The following ALK variants were observed in gnomAD, a reference collection of about 807,000 sequenced individuals.
The protein encoded by ALK is ALK tyrosine kinase receptor.
In ALK, 74 loss-of-function variants were observed where a neutral mutation model predicts 163.1. That is an observed-to-expected ratio of 0.45 (90% CI 0.38 to 0.55). The LOEUF (loss-of-function observed/expected upper bound fraction) is 0.55. ALK is among the 20% of genes least tolerant of loss of function. ALK has a pLI of 0.00. For synonymous variants in ALK, 960 were observed against 843.2 expected (o/e 1.14, Z -2.40); for missense variants, 2,063 against 2,105.3 (o/e 0.98, Z 0.39).
chr2:29,506,282 G>A (rs1282815752), intron 4 of ALK, among the ~76,000 whole-genome samples: 1 of 152,090 alleles, frequency 6.6e-6, no homozygotes, highest in East Asian at 1.9e-4. Flanking sequence ...TATCAAACAA[G>A]CTACAACAAA....
intron 4 of ALK, among the ~76,000 whole-genome samples, chr2:29,414,680 T>G (rs1430177561): frequency 2.0e-5 from 3 of 152,252 alleles, no homozygotes; most frequent in African/African-American, 7.2e-5. Flanking sequence ...ATTGTTTGTG[T>G]GTGAGTGGCA....
intron 1 of ALK, among the ~76,000 whole-genome samples, chr2:29,736,030 C>G (rs1461054003): frequency 6.6e-6 from 1 of 151,978 alleles, no homozygotes; most frequent in Non-Finnish European, 1.5e-5. Context: ...GCTCAAGACC[C>G]CAAGCCAGCC....
At chr2:29,862,031 C>T (rs193210775) in intron 1 of ALK, among the ~76,000 whole-genome samples, 168 of 152,162 alleles carry the variant, frequency 1.1e-3, no homozygotes, top group East Asian at 2.7e-3. Context: ...AAAAATCATA[C>T]GATTATATCA....
chr2:29,758,514 C>T (rs533959170), intron 1 of ALK, among the ~76,000 whole-genome samples: 135 of 152,274 alleles, frequency 8.9e-4, no homozygotes, highest in African/African-American at 2.8e-3. Context: ...TGGGATGTAT[C>T]AGAGATGAAC....
intron 3 of ALK, among the ~76,000 whole-genome samples, chr2:29,651,264 C>T (rs542964241): frequency 6.6e-6 from 1 of 152,212 alleles, no homozygotes; most frequent in South Asian, 2.1e-4. Flanking sequence ...GTAAAACAAG[C>T]AAAGGCTGGA....
chr2:29,653,542 C>T (rs531027618), intron 3 of ALK, among the ~76,000 whole-genome samples: 21 of 152,198 alleles, frequency 1.4e-4, no homozygotes, highest in Admixed American at 1.1e-3. Flanking sequence ...GTTTCTTTGT[C>T]TGTAAAAGGG....
At chr2:29,199,028 A>G (rs1385001233) in intron 26 of ALK, among the ~76,000 whole-genome samples, 1 of 150,952 alleles carries the variant, frequency 6.6e-6, no homozygotes, top group Non-Finnish European at 1.5e-5. Context: ...ATCTTGGCTC[A>G]CTGCAACCTC....
In ALK at chr2:29,297,026, A is replaced by G; in HGVS notation, c.1679T>C (p.Leu560Ser). Residue 560 changes from leucine to serine, a missense_variant, in exon 9 of 29, where the codon TTG becomes TCG. Coordinates refer to ENST00000389048, the MANE Select transcript of ALK (RefSeq NM_004304.5). ...TAGCACCAAGGACACGTTTCCCCTC[A>G]AGACTCCACGAATGAGCCAGGACAT... The part of the protein sequence containing the change: ...LRMSWLIRGV[L>S]RGNVSLVLVE... 6.2e-7 allele frequency: 1 copy of G among 1,614,172 alleles called. No individual in the cohort carries two copies. The highest frequency in any genetic ancestry group is 8.5e-7 in the Non-Finnish European group (1 of 1,180,030).
At chr2:29,918,394 CCA>C (rs1264664130) in intron 1 of ALK, among the ~76,000 whole-genome samples, 2 of 152,202 alleles carry the variant, frequency 1.3e-5, no homozygotes, top group African/African-American at 2.4e-5. Context: ...CATGTATAAA[CCA>C]CACAAACCAC....
At chr2:29,296,159 AG>A (rs1401127721) in intron 9 of ALK, among the ~76,000 whole-genome samples, 8 of 152,252 alleles carry the variant, frequency 5.3e-5, no homozygotes. Flanking sequence ...CTCAGCTTAA[AG>A]GTGAGGAAAC....
At chr2:29,708,740 T>A (rs1419579473) in intron 2 of ALK, among the ~76,000 whole-genome samples, 1 of 152,212 alleles carries the variant, frequency 6.6e-6, no homozygotes, top group Non-Finnish European at 1.5e-5. Flanking sequence ...GCCAAGCAGA[T>A]GGCCTGGGTT....
At chr2:29,739,279 C>T (rs942460699) in intron 1 of ALK, among the ~76,000 whole-genome samples, 1 of 141,018 alleles carries the variant, frequency 7.1e-6, no homozygotes, top group African/African-American at 2.8e-5. Flanking sequence ...AGAACATAGG[C>T]CAGGTGCCAG....
At chr2:29,304,619 C>T (rs1197751651) in intron 8 of ALK, among the ~76,000 whole-genome samples, 1 of 152,214 alleles carries the variant, frequency 6.6e-6, no homozygotes, top group Middle Eastern at 3.2e-3. Flanking sequence ...ACCACCTGCC[C>T]TTTGCATCAA....
At chr2:29,407,904 G>A (rs1298699028) in intron 4 of ALK, among the ~76,000 whole-genome samples, 1 of 152,088 alleles carries the variant, frequency 6.6e-6, no homozygotes, top group African/African-American at 2.4e-5. Context: ...CTGAAAAAAG[G>A]AATTAAGCCA....
At position 29,920,720 on chromosome 2, in the gene ALK, G is replaced by T. The variant is rs1052528841; in HGVS notation, c.-61C>A. On this transcript the variant is annotated 5_prime_UTR_variant, in exon 1 of 29. Coordinates refer to ENST00000389048, the MANE Select transcript of ALK (RefSeq NM_004304.5). ...CCCAGCCTCACCCTTCGCTCTCCCC[G>T]AGATGGGAAGAGGCTCTGAACAGTC... 6 of 1,403,070 alleles carry T rather than the reference G, an allele frequency of 4.3e-6. No individual in the cohort carries two copies. In the Admixed American group the frequency reaches 9.9e-5, roughly 23 times the overall value. 86.9% of individuals were successfully genotyped at this position (1,403,070 alleles called of 1,614,324 possible). A position where few individuals can be genotyped will look rare whatever the true frequency, so the allele number is the denominator to read the frequency against.
At position 29,555,238 on chromosome 2, in the gene ALK, C is replaced by T. The variant is rs572725564; in HGVS notation, c.953-23122G>A. On this transcript the variant is annotated intron_variant, in intron 3 of 28. Transcript: ENST00000389048. ...ACACTACCCCCTCAGATGGCCATGT[C>T]TCTCCAATTCCCCATAGTCCCCACA... is the stretch of plus-strand genomic sequence containing the variant. Among the ~76,000 whole-genome samples the T allele has an allele frequency of 3.5e-3, 540 of 152,178 alleles. 1 individual carries two copies. Among genetic ancestry groups the T allele is most frequent in the African/African-American group, 0.012 (482 of 41,526 alleles).
chr2:29,842,997 T>C (rs191216628), intron 1 of ALK, among the ~76,000 whole-genome samples: 1 of 152,328 alleles, frequency 6.6e-6, no homozygotes, highest in Admixed American at 6.5e-5. Flanking sequence ...CCACAGCTTC[T>C]CATCCTTGTG....
intron 24 of ALK, among the ~76,000 whole-genome samples, chr2:29,213,267 C>T (rs986030480): frequency 2.0e-5 from 3 of 152,198 alleles, no homozygotes; most frequent in Non-Finnish European, 4.4e-5. Flanking sequence ...ATGTTCACAG[C>T]ATGATGTCCC....
chr2:29,481,849 G>A (rs4528720), intron 4 of ALK, among the ~76,000 whole-genome samples: 83,393 of 151,466 alleles, frequency 0.55, 23,443 homozygotes, highest in Middle Eastern at 0.65. Flanking sequence ...GGGTCAAGGT[G>A]ATATTTAAAA....
Sources: gnomAD v4.1 joint callset for allele counts (sites outside exome capture counted in the v4.1 genomes callset) on GRCh38, gnomAD v4.1.1 for gene constraint, MANE v1.5 for transcripts, NCBI Gene and HGNC (gene_info 2026-07-23, HGNC 2026-07-21) for gene names.